SNHG17: variants seen among roughly 807,000 people sequenced by gnomAD.
SNHG17 encodes the protein small nucleolar RNA host gene 17 (non-protein coding).
At chr20:38,433,862 A>G (rs1401217547) in intron 2 of SNHG17, 1 of 519,110 alleles carries the variant, frequency 1.9e-6, no homozygotes, top group Non-Finnish European at 3.8e-6. Flanking sequence ...GGTGAGAAGG[A>G]GGTGTGAGAA....
intron 2 of SNHG17, among the ~76,000 whole-genome samples, chr20:38,433,114 A>G (rs1288944184): frequency 6.6e-6 from 1 of 152,084 alleles, no homozygotes; most frequent in East Asian, 1.9e-4. Flanking sequence ...AGCTGGAATT[A>G]TAGGCGTGTG....
exon 1 of SNHG17, chr20:38,435,241 G>T: frequency 2.4e-6 from 3 of 1,232,010 alleles, no homozygotes; most frequent in Non-Finnish European, 3.0e-6. Flanking sequence ...GACAGACAGC[G>T]TGGGAAAAAT....
At chr20:38,429,410 AGGTTCAGCTT>A (rs1485188108) in intron 3 of SNHG17, 1 of 194,048 alleles carries the variant, frequency 5.2e-6, no homozygotes, top group African/African-American at 2.4e-5. Flanking sequence ...CAATTTCCAC[AGGTTCAGCTT>A]GGTGCAGGGG....
chr20:38,433,952 T>C (rs766739872), intron 2 of SNHG17: 3 of 519,086 alleles, frequency 5.8e-6, no homozygotes, highest in Admixed American at 3.9e-5. Flanking sequence ...CCCTGCACTA[T>C]CAATGACCAG....
intron 3 of SNHG17, among the ~76,000 whole-genome samples, chr20:38,430,603 C>T (rs2084326697): frequency 1.3e-5 from 2 of 152,110 alleles, no homozygotes; most frequent in South Asian, 4.1e-4. Flanking sequence ...GCCTGGGCGA[C>T]AGAGCAAGAC....
chr20:38,435,209 C>A, exon 1 of SNHG17: 1 of 1,232,026 alleles, frequency 8.1e-7, no homozygotes, highest in Non-Finnish European at 1.0e-6. Flanking sequence ...GGCGCCCTGG[C>A]GTCGAGTGGC....
chr20:38,433,945 T>G (rs750494851), intron 2 of SNHG17: 30 of 519,102 alleles, frequency 5.8e-5, no homozygotes, highest in Non-Finnish European at 8.8e-5. Context: ...TTTCTCTCCC[T>G]GCACTATCAA....
intron 3 of SNHG17, chr20:38,427,423 G>A (rs369651991): frequency 5.2e-5 from 27 of 517,848 alleles, no homozygotes; most frequent in Non-Finnish European, 1.0e-4. Flanking sequence ...GGCAGCCTAT[G>A]ATCACTTTCG....
At chr20:38,432,819 A>AGT (rs887086682) in intron 2 of SNHG17, among the ~76,000 whole-genome samples, 35 of 151,694 alleles carry the variant, frequency 2.3e-4, no homozygotes, top group Admixed American at 7.2e-4. Flanking sequence ...ACACCTGGCT[A>AGT]GTGTGTGTGT....
In SNHG17 at chr20:38,422,058, G is replaced by A. The variant is rs376280396; in HGVS notation, n.734+29C>T. ...ACTATGGACACACCAGCGCTCAAGG[G>A]AGGAGGACGGTTCCCCCGGGGAGCT... On this transcript the variant is annotated intron_variant and non_coding_transcript_variant, in intron 6 of 8. Coordinates refer to ENST00000654008, the Ensembl canonical transcript of SNHG17. 1.2e-4 allele frequency: 18 copies of A among 152,580 alleles called. 1 individual carries two copies. Among genetic ancestry groups the A allele is most frequent in the African/African-American group, 3.8e-4 (16 of 41,588 alleles). The allele number at this position is 152,580 out of a possible 1,614,324, so 9.5% of individuals were successfully genotyped here. A position where few individuals can be genotyped will look rare whatever the true frequency, so the allele number is the denominator to read the frequency against.
chr20:38,425,160 G>C (rs759709993), intron 5 of SNHG17: 1 of 510,164 alleles, frequency 2.0e-6, no homozygotes, highest in South Asian at 1.4e-5. Flanking sequence ...ACGACAACCA[G>C]GTACCAGGAG....
At chr20:38,431,053 G>A (rs2084334456) in exon 3 of SNHG17, 1 of 152,324 alleles carries the variant, frequency 6.6e-6, no homozygotes, top group African/African-American at 2.4e-5. Context: ...GGGACCTCAG[G>A]ATCCATGCTC....
chr20:38,435,010 C>A (rs1167264973), intron 1 of SNHG17: 1 of 1,230,096 alleles, frequency 8.1e-7, no homozygotes, highest in African/African-American at 1.6e-5. Context: ...ACTGCCGCGG[C>A]CAAGGGCGCG....
At chr20:38,426,055 CAAAAAAAA>C (rs3073133) in intron 4 of SNHG17, 1 of 80,274 alleles carries the variant, frequency 1.2e-5, no homozygotes, top group Non-Finnish European at 2.6e-5. Flanking sequence ...GACCCTGCCT[CAAAAAAAA>C]AAAAAAAAAA....
chr20:38,435,053 C>A (rs1361456987), intron 1 of SNHG17: 7 of 1,231,706 alleles, frequency 5.7e-6, no homozygotes, highest in Non-Finnish European at 6.1e-6. Flanking sequence ...CGAGGACACG[C>A]GAATCCTGGG....
chr20:38,427,060 C>G (rs772255255), intron 3 of SNHG17, among the ~76,000 whole-genome samples: 5 of 149,572 alleles, frequency 3.3e-5, no homozygotes, highest in African/African-American at 1.2e-4. Context: ...ACCCCAACCT[C>G]AAAGTCTCCC....
At chr20:38,432,381 A>T (rs1199489515) in intron 2 of SNHG17, among the ~76,000 whole-genome samples, 1 of 152,170 alleles carries the variant, frequency 6.6e-6, no homozygotes, top group African/African-American at 2.4e-5. Flanking sequence ...AGCGTGGCGC[A>T]GTCTAGCATA....
intron 2 of SNHG17, among the ~76,000 whole-genome samples, chr20:38,433,264 T>C (rs1313091381): frequency 6.6e-6 from 1 of 152,088 alleles, no homozygotes; most frequent in East Asian, 1.9e-4. Context: ...GTGTGAGCCA[T>C]TGCACCCGGC....
At chr20:38,425,866 C>T (rs1192155462) in intron 5 of SNHG17, 1 of 153,276 alleles carries the variant, frequency 6.5e-6, no homozygotes, top group African/African-American at 2.4e-5. Context: ...AAAACGAGCC[C>T]AAGCAACATG....
Sources: gnomAD v4.1 joint callset for allele counts (sites outside exome capture counted in the v4.1 genomes callset) on GRCh38, gnomAD v4.1.1 for gene constraint, MANE v1.5 for transcripts, NCBI Gene and HGNC (gene_info 2026-07-23, HGNC 2026-07-21) for gene names.